HS2ST1: variants seen among roughly 807,000 people sequenced by gnomAD.
HS2ST1 encodes the protein heparan sulfate 2-O-sulfotransferase 1.
A neutral mutation model predicts 42.9 loss-of-function variants in HS2ST1; 18 were observed. That is an observed-to-expected ratio of 0.42 (90% CI 0.29 to 0.62). HS2ST1 has a LOEUF of 0.62. HS2ST1 is among the 20% of genes least tolerant of loss of function. The pLI is 0.21. For synonymous variants in HS2ST1, 146 were observed against 152.9 expected, an observed-to-expected ratio of 0.95 and a Z score of 0.33; for missense variants, 334 against 433.8, an observed-to-expected ratio of 0.77 and a Z score of 2.04.
At chr1:86,921,628 T>C (rs1030413928) in intron 1 of HS2ST1, among the ~76,000 whole-genome samples, 1 of 152,178 alleles carries the variant, frequency 6.6e-6, no homozygotes, top group Non-Finnish European at 1.5e-5. Context: ...AGACAGCATT[T>C]GTCCCCCTTT....
chr1:87,089,781 A>G (rs1328312914), intron 3 of HS2ST1, among the ~76,000 whole-genome samples: 1 of 152,038 alleles, frequency 6.6e-6, no homozygotes, highest in East Asian at 1.9e-4. Flanking sequence ...AATAAATGCC[A>G]CCCAAAGCCA....
At chr1:86,957,053 A>G (rs1331076480) in intron 1 of HS2ST1, among the ~76,000 whole-genome samples, 1 of 152,202 alleles carries the variant, frequency 6.6e-6, no homozygotes, top group African/African-American at 2.4e-5. Flanking sequence ...GAAGAGGGTT[A>G]TATTAATCAC....
intron 1 of HS2ST1, among the ~76,000 whole-genome samples, chr1:86,976,367 C>G (rs1648399222): frequency 6.6e-6 from 1 of 152,018 alleles, no homozygotes; most frequent in Non-Finnish European, 1.5e-5. Flanking sequence ...TGCTTATTCC[C>G]AGGAGTAGGG....
intron 5 of HS2ST1, among the ~76,000 whole-genome samples, chr1:87,101,732 G>A (rs1778009): frequency 0.7 from 105,792 of 152,046 alleles, 39,054 homozygotes; most frequent in East Asian, 0.97. Context: ...TCTTCCAACC[G>A]CTGCCCATTA....
intron 1 of HS2ST1, among the ~76,000 whole-genome samples, chr1:86,948,312 A>G (rs190759724): frequency 1.4e-3 from 211 of 152,198 alleles, no homozygotes; most frequent in Non-Finnish European, 2.2e-3. Flanking sequence ...AGGTCTTGCT[A>G]TGTTGCTGAA....
At chr1:87,004,555 T>C (rs1485834029) in intron 1 of HS2ST1, among the ~76,000 whole-genome samples, 2 of 152,170 alleles carry the variant, frequency 1.3e-5, no homozygotes, top group Non-Finnish European at 2.9e-5. Flanking sequence ...GCAAGTACTG[T>C]TTATAAGCAG....
At chr1:87,077,118 T>A (rs942559962) in intron 2 of HS2ST1, among the ~76,000 whole-genome samples, 1 of 152,186 alleles carries the variant, frequency 6.6e-6, no homozygotes, top group Non-Finnish European at 1.5e-5. Context: ...ATGCCAAAAT[T>A]AATGCCGCTG....
intron 1 of HS2ST1, among the ~76,000 whole-genome samples, chr1:87,007,508 T>C (rs770477325): frequency 3.3e-5 from 5 of 152,136 alleles, no homozygotes; most frequent in Non-Finnish European, 7.4e-5. Flanking sequence ...ATATTGGTAA[T>C]TATACACTCC....
chr1:87,009,377 T>C (rs1259608631), intron 1 of HS2ST1, among the ~76,000 whole-genome samples: 2 of 152,070 alleles, frequency 1.3e-5, no homozygotes, highest in East Asian at 1.9e-4. Flanking sequence ...TCCAAGAAAA[T>C]GGGAGCAACT....
chr1:87,050,983 C>T (rs1302548741), intron 1 of HS2ST1, among the ~76,000 whole-genome samples: 8 of 152,140 alleles, frequency 5.3e-5, no homozygotes. Flanking sequence ...CAAATCACCT[C>T]AAACCTTCAC....
chr1:86,963,807 C>T (rs983657952), intron 1 of HS2ST1, among the ~76,000 whole-genome samples: 2 of 140,226 alleles, frequency 1.4e-5, no homozygotes, highest in East Asian at 2.1e-4. Flanking sequence ...CACCTCCCCC[C>T]CTGGACGGGG....
intron 1 of HS2ST1, among the ~76,000 whole-genome samples, chr1:87,043,233 G>A (rs1012289416): frequency 3.6e-4 from 54 of 151,910 alleles, no homozygotes; most frequent in African/African-American, 1.3e-3. Flanking sequence ...TGATGGAGAG[G>A]GGAAATAATC....
At chr1:86,955,365 A>G (rs1168434798) in intron 1 of HS2ST1, among the ~76,000 whole-genome samples, 1 of 152,056 alleles carries the variant, frequency 6.6e-6, no homozygotes, top group Non-Finnish European at 1.5e-5. Flanking sequence ...CGTGAACTCT[A>G]TTGTGAATTG....
At chr1:87,082,061 GGAGA>G (rs1651705558) in intron 2 of HS2ST1, among the ~76,000 whole-genome samples, 8 of 151,934 alleles carry the variant, frequency 5.3e-5, no homozygotes, top group Non-Finnish European at 1.0e-4. Context: ...GGATAAAAAG[GGAGA>G]CCTTACAACT....
intron 4 of HS2ST1, among the ~76,000 whole-genome samples, chr1:87,097,482 C>T (rs1652095570): frequency 6.6e-6 from 1 of 152,158 alleles, no homozygotes; most frequent in Non-Finnish European, 1.5e-5. Flanking sequence ...CAGCTTCCAC[C>T]TCCTGGGTTC....
At chr1:86,941,481 A>G (rs900130178) in intron 1 of HS2ST1, among the ~76,000 whole-genome samples, 5 of 152,056 alleles carry the variant, frequency 3.3e-5, no homozygotes, top group Non-Finnish European at 7.4e-5. Context: ...TTTATAAAAA[A>G]AAAATTACAG....
intron 1 of HS2ST1, among the ~76,000 whole-genome samples, chr1:86,970,980 C>T (rs1255910372): frequency 2.0e-5 from 3 of 152,168 alleles, no homozygotes; most frequent in African/African-American, 7.2e-5. Context: ...AAAATGTCTT[C>T]TACTGATGCC....
intron 1 of HS2ST1, among the ~76,000 whole-genome samples, chr1:87,019,631 G>A (rs1161069152): frequency 6.6e-6 from 1 of 152,030 alleles, no homozygotes; most frequent in Non-Finnish European, 1.5e-5. Flanking sequence ...CTTTCAGTTT[G>A]CAAAACTATA....
At chr1:86,991,701 T>G (rs1356928623) in intron 1 of HS2ST1, among the ~76,000 whole-genome samples, 1 of 152,188 alleles carries the variant, frequency 6.6e-6, no homozygotes, top group Non-Finnish European at 1.5e-5. Flanking sequence ...GCTTAAACTT[T>G]CCAAGGCTCT....
Sources: gnomAD v4.1 joint callset for allele counts (sites outside exome capture counted in the v4.1 genomes callset) on GRCh38, gnomAD v4.1.1 for gene constraint, MANE v1.5 for transcripts, NCBI Gene and HGNC (gene_info 2026-07-23, HGNC 2026-07-21) for gene names.